Variants in HMCN1 observed in about 807,000 individuals in gnomAD.
HMCN1 encodes hemicentin-1.
HMCN1 carries 321 observed loss-of-function variants against 625.9 expected under a neutral mutation model. The observed-to-expected ratio is 0.51, with a 90% CI of 0.47 to 0.56. The LOEUF is 0.56. Ranked by LOEUF, HMCN1 falls within the 20% of genes least tolerant of loss-of-function variation. The pLI is 0.00. For missense variants in HMCN1, 6,588 were observed against 6,887.3 expected, an observed-to-expected ratio of 0.96 and a Z score of 1.54; for synonymous variants, 2,425 against 2,417.6, an observed-to-expected ratio of 1.00 and a Z score of -0.09.
At chr1:186,157,648 T>A (rs1355824682) in intron 97 of HMCN1, among the ~76,000 whole-genome samples, 1 of 152,168 alleles carries the variant, frequency 6.6e-6, no homozygotes, top group Non-Finnish European at 1.5e-5. Context: ...TGTCCATGTG[T>A]TCTCATTGTT....
At chr1:186,033,711 A>G (rs1379734818) in intron 36 of HMCN1, among the ~76,000 whole-genome samples, 1 of 152,100 alleles carries the variant, frequency 6.6e-6, no homozygotes, top group Non-Finnish European at 1.5e-5. Flanking sequence ...TACAATATCT[A>G]GTTTCTAGGT....
Position 186,040,002 on chromosome 1 carries a change from C to A in HMCN1, c.6180+123C>A, listed in dbSNP as rs184009363. Reference sequence around the variant, plus strand: ...ATTAACAGATGCTATTTTTTAAATACACATATGCAACCATAAACACCATGG... The same window carrying A: ...ATTAACAGATGCTATTTTTTAAATAAACATATGCAACCATAAACACCATGG... On this transcript the variant is annotated intron_variant, in intron 39 of 106. Coordinates refer to ENST00000271588, the MANE Select transcript of HMCN1 (RefSeq NM_031935.3). The A allele has an allele frequency of 6.1e-5, 58 of 949,256 alleles. No homozygotes were observed. In the Middle Eastern group the frequency reaches 9.3e-4, roughly 15 times the overall value. 58.8% of individuals were successfully genotyped at this position (949,256 alleles called of 1,614,324 possible).
At position 186,039,762 on chromosome 1, in the gene HMCN1, G is replaced by A. The variant is rs144776594; in HGVS notation, c.6063G>A (p.Val2021=). The part of the protein sequence containing the change: ...APSISGSNNM[V]AVVVNNPVRL... ...CAATTTCTGGCAGCAATAACATGGTGGCAGTGGTGGTTAATAACCCGGTGA... is the reference window on the plus strand; with the variant it reads ...CAATTTCTGGCAGCAATAACATGGTAGCAGTGGTGGTTAATAACCCGGTGA... The change falls in exon 39 of 107, where the codon GTG becomes GTA. Residue 2021 remains valine (V), a synonymous_variant. Transcript: ENST00000271588. 552 of 1,613,434 alleles carry A rather than the reference G, an allele frequency of 3.4e-4. 2 individuals carry two copies. In the African/African-American group the frequency reaches 6.2e-3, roughly 18 times the overall value.
chr1:186,159,122 A>T (rs1488943226), intron 97 of HMCN1, among the ~76,000 whole-genome samples: 1 of 151,376 alleles, frequency 6.6e-6, no homozygotes, highest in African/African-American at 2.4e-5. Flanking sequence ...AGTGGTTTGT[A>T]GTTCTCCTTG....
chr1:186,119,684 C>A, intron 78 of HMCN1, 61 bp from the exon 79 acceptor site: 2 of 1,532,670 alleles, frequency 1.3e-6, no homozygotes, highest in Non-Finnish European at 1.8e-6. Flanking sequence ...CTCATTACTA[C>A]AATAGACATG....
intron 97 of HMCN1, among the ~76,000 whole-genome samples, chr1:186,161,117 A>G (rs1651441748): frequency 6.6e-6 from 1 of 151,942 alleles, no homozygotes; most frequent in Non-Finnish European, 1.5e-5. Flanking sequence ...TATTGGGTGC[A>G]TATATATTTA....
chr1:186,053,928 A>C lies in HMCN1; in HGVS notation c.6804A>C (p.Ser2268=), dbSNP rs956501215. The C allele has an allele frequency of 6.2e-7, 1 of 1,612,774 alleles. No homozygotes were observed. Among genetic ancestry groups the C allele is most frequent in the Admixed American group, 1.7e-5 (1 of 59,822 alleles). ...AAAAGTCTGATGCAGCACTCTATTC[A>C]TGTGTGGCGTCGAATGTTGCTGGGA... The part of the protein sequence containing the change: ...IAEKSDAALY[S]CVASNVAGTA... The change falls in exon 44 of 107, where the codon TCA becomes TCC. Residue 2268 remains serine, a synonymous_variant. Transcript: ENST00000271588.
Position 186,062,578 on chromosome 1 carries a change from T to TA in HMCN1, c.7492dup (p.Thr2498AsnfsTer5), listed in dbSNP as rs1473607769. 1 of 1,612,170 alleles carries TA rather than the reference T, an allele frequency of 6.2e-7. No homozygotes were observed. Among genetic ancestry groups the TA allele is most frequent in the Non-Finnish European group, 8.5e-7 (1 of 1,178,436 alleles). ...TGAAGGTAAAAGAGAAACAGAGTGT[T>TA]ACGCTGACTTGTGAAGTGACAGGTA... is the stretch of plus-strand genomic sequence containing the variant. On this transcript the variant is annotated frameshift_variant, in exon 48 of 107. Coordinates refer to ENST00000271588, the MANE Select transcript of HMCN1 (RefSeq NM_031935.3). LOFTEE classifies it high-confidence loss of function.
At chr1:185,988,694 G>T (rs772496885) in intron 20 of HMCN1, among the ~76,000 whole-genome samples, 6 of 152,140 alleles carry the variant, frequency 3.9e-5, no homozygotes, top group African/African-American at 1.2e-4. Flanking sequence ...AAGAACTTGG[G>T]CTCTAGAGCC....
At chr1:186,052,014 T>C (rs567779875) in intron 42 of HMCN1, among the ~76,000 whole-genome samples, 2 of 151,962 alleles carry the variant, frequency 1.3e-5, no homozygotes, top group Non-Finnish European at 2.9e-5. Flanking sequence ...ACAGAGTATT[T>C]AGACTGGTTA....
At chr1:185,776,405 G>A (rs1456060166) in intron 1 of HMCN1, among the ~76,000 whole-genome samples, 1 of 151,480 alleles carries the variant, frequency 6.6e-6, no homozygotes, top group African/African-American at 2.4e-5. Flanking sequence ...CCATCAGGTG[G>A]TGATTAACTT....
intron 28 of HMCN1, 128 bp from the exon 29 acceptor site, chr1:186,003,590 G>C: frequency 1.2e-6 from 1 of 827,462 alleles, no homozygotes; most frequent in Non-Finnish European, 2.1e-6. Flanking sequence ...AAGTATTGTT[G>C]TGTGGTATTT....
Position 186,027,662 on chromosome 1 carries a change from T to C in HMCN1, c.5749+4509T>C, listed in dbSNP as rs1571739276. Among the ~76,000 whole-genome samples the C allele has an allele frequency of 3.9e-5, 6 of 152,188 alleles. No homozygotes were observed. In the East Asian group the frequency reaches 9.6e-4, roughly 24 times the overall value. On this transcript the variant is annotated intron_variant, in intron 36 of 106. Coordinates refer to ENST00000271588, the MANE Select transcript of HMCN1 (RefSeq NM_031935.3). Reference sequence around the variant, plus strand: ...TGGTGCCTGGCTCCTAGTCAGCATCTGTAAATGACAGCATAAAGGCTGTCT... The same window carrying C: ...TGGTGCCTGGCTCCTAGTCAGCATCCGTAAATGACAGCATAAAGGCTGTCT...
At chr1:186,120,351 C>T (rs1224622095) in intron 80 of HMCN1, among the ~76,000 whole-genome samples, 1 of 152,128 alleles carries the variant, frequency 6.6e-6, no homozygotes, top group African/African-American at 2.4e-5. Flanking sequence ...TATAAGAAAA[C>T]ACAGGCATCT....
At chr1:186,085,135 A>G (rs547439185) in intron 57 of HMCN1, among the ~76,000 whole-genome samples, 31 of 152,106 alleles carry the variant, frequency 2.0e-4, no homozygotes, top group African/African-American at 6.5e-4. Context: ...AGCCCTCCAT[A>G]CTGATTGCGA....
At chr1:186,113,442 A>G (rs140959175) in intron 72 of HMCN1, among the ~76,000 whole-genome samples, 1 of 152,376 alleles carries the variant, frequency 6.6e-6, no homozygotes, top group East Asian at 1.9e-4. Flanking sequence ...AAAATTTTAC[A>G]GAATATTGGG....
At chr1:185,870,038 A>ATTT (rs1663513646) in intron 4 of HMCN1, among the ~76,000 whole-genome samples, 2 of 145,778 alleles carry the variant, frequency 1.4e-5, no homozygotes, top group Admixed American at 6.7e-5. Context: ...TTTTTTTTTA[A>ATTT]AAAAAAACAA....
intron 86 of HMCN1, 141 bp from the exon 87 acceptor site, chr1:186,136,525 AAT>A (rs150126841): frequency 0.012 from 9,160 of 740,336 alleles, 83 homozygotes; most frequent in Middle Eastern, 0.023. Flanking sequence ...TGGCAATTAT[AAT>A]CTATAATCTT....
chr1:185,780,821 T>C (rs1288568869), intron 1 of HMCN1, among the ~76,000 whole-genome samples: 1 of 152,178 alleles, frequency 6.6e-6, no homozygotes, highest in African/African-American at 2.4e-5. Context: ...TTTTTTGTTG[T>C]GTCTCTGCCA....
Sources: allele counts gnomAD v4.1 joint callset (sites outside exome capture counted in the v4.1 genomes callset), GRCh38; gene constraint gnomAD v4.1.1; transcripts MANE v1.5; gene names NCBI Gene and HGNC (gene_info 2026-07-23, HGNC 2026-07-21).